Variants in EPB41L4A observed in about 807,000 individuals in gnomAD.
EPB41L4A encodes erythrocyte membrane protein band 4.1 like 4A, also known as band 4.1-like protein 4A.
In EPB41L4A, 100 loss-of-function variants were observed where a neutral mutation model predicts 108.6. That is an observed-to-expected ratio of 0.92 (90% CI 0.78 to 1.09). The LOEUF (loss-of-function observed/expected upper bound fraction) is 1.09. Ranked by LOEUF, EPB41L4A falls within the 50% of genes least tolerant of loss-of-function variation. The pLI is 0.00. For synonymous variants in EPB41L4A, 319 were observed against 289.0 expected, an observed-to-expected ratio of 1.10 and a Z score of -1.05; for missense variants, 1,030 against 842.7, an observed-to-expected ratio of 1.22 and a Z score of -2.75.
intron 12 of EPB41L4A, among the ~76,000 whole-genome samples, chr5:112,155,790 A>G (rs1403683792): frequency 6.6e-6 from 1 of 152,200 alleles, no homozygotes; most frequent in Non-Finnish European, 1.5e-5. Context: ...GGTTTACCAT[A>G]TTTTACTTAC....
Position 112,189,325 on chromosome 5 carries a change from C to G in EPB41L4A, c.1503-5190G>C, listed in dbSNP as rs1761576727. Among the ~76,000 whole-genome samples, 7 of 152,212 alleles carry G rather than the reference C, an allele frequency of 4.6e-5. No individual in the cohort carries two copies. In the South Asian group the frequency reaches 1.5e-3, roughly 32 times the overall value. On this transcript the variant is annotated intron_variant, in intron 17 of 22. Coordinates refer to ENST00000261486, the MANE Select transcript of EPB41L4A (RefSeq NM_022140.5). ...CACATCTATTATCTCGGGAACTTCA[C>G]AAACCTCTAGTGAGGTAGGCAGGTC...
At chr5:112,170,544 C>T (rs1299224118) in intron 19 of EPB41L4A, among the ~76,000 whole-genome samples, 175 bp from the exon 20 acceptor site, 1 of 152,078 alleles carries the variant, frequency 6.6e-6, no homozygotes. Context: ...GGGGTAAAAC[C>T]TTTTCTGTAG....
At chr5:112,364,415 C>A (rs1758989064) in intron 1 of EPB41L4A, among the ~76,000 whole-genome samples, 1 of 152,094 alleles carries the variant, frequency 6.6e-6, no homozygotes, top group South Asian at 2.1e-4. Context: ...AGTTTTATTG[C>A]CTTGATCTGG....
intron 2 of EPB41L4A, among the ~76,000 whole-genome samples, chr5:112,293,986 T>G (rs576892235): frequency 6.6e-6 from 1 of 152,230 alleles, no homozygotes; most frequent in African/African-American, 2.4e-5. Context: ...GGATCCACCA[T>G]CATACAGTTA....
At chr5:112,217,732 C>G (rs933155652) in intron 12 of EPB41L4A, among the ~76,000 whole-genome samples, 2 of 151,998 alleles carry the variant, frequency 1.3e-5, no homozygotes, top group Non-Finnish European at 2.9e-5. Context: ...TTCTAAAGTT[C>G]CAAGAGTGAT....
At chr5:112,380,174 G>C (rs1467928064) in intron 1 of EPB41L4A, among the ~76,000 whole-genome samples, 1 of 152,022 alleles carries the variant, frequency 6.6e-6, no homozygotes, top group Non-Finnish European at 1.5e-5. Context: ...AGGGTCAGAA[G>C]GTCTGACACC....
chr5:112,325,491 A>C (rs546579582), intron 1 of EPB41L4A, among the ~76,000 whole-genome samples: 71 of 151,918 alleles, frequency 4.7e-4, no homozygotes, highest in Non-Finnish European at 8.7e-4. Context: ...GTTGAACTCA[A>C]GTGATGCCCA....
chr5:112,395,436 G>C (rs1761264563), intron 1 of EPB41L4A, among the ~76,000 whole-genome samples: 1 of 152,182 alleles, frequency 6.6e-6, no homozygotes, highest in Non-Finnish European at 1.5e-5. Context: ...GTGGGCGAAG[G>C]ATATGAACAG....
intron 22 of EPB41L4A, among the ~76,000 whole-genome samples, chr5:112,167,034 T>A (rs1468176613): frequency 5.9e-5 from 9 of 151,842 alleles, no homozygotes; most frequent in Non-Finnish European, 1.3e-4. Context: ...TGAAAGCTAT[T>A]CTTCCAACTT....
At chr5:112,410,870 C>G (rs528327014) in intron 1 of EPB41L4A, among the ~76,000 whole-genome samples, 17 of 152,128 alleles carry the variant, frequency 1.1e-4, no homozygotes, top group Non-Finnish European at 2.2e-4. Context: ...CAAATATCAC[C>G]TCTTCATCTC....
At chr5:112,213,272 T>G (rs905511353) in intron 12 of EPB41L4A, among the ~76,000 whole-genome samples, 2 of 152,144 alleles carry the variant, frequency 1.3e-5, no homozygotes, top group Non-Finnish European at 2.9e-5. Flanking sequence ...GTATAATCAG[T>G]AATATGACTT....
chr5:112,374,822 A>C (rs947003554), intron 1 of EPB41L4A, among the ~76,000 whole-genome samples: 4 of 152,208 alleles, frequency 2.6e-5, no homozygotes, highest in African/African-American at 9.6e-5. Flanking sequence ...GTCACTACTA[A>C]AAGAGGGGCC....
At chr5:112,272,571 G>A (rs1307334422) in intron 4 of EPB41L4A, among the ~76,000 whole-genome samples, 1 of 151,820 alleles carries the variant, frequency 6.6e-6, no homozygotes, top group Non-Finnish European at 1.5e-5. Flanking sequence ...CCTGAGGTCA[G>A]GAGTTCAAGA....
chr5:112,343,355 T>G (rs1757440103), intron 1 of EPB41L4A, among the ~76,000 whole-genome samples: 1 of 152,140 alleles, frequency 6.6e-6, no homozygotes, highest in Non-Finnish European at 1.5e-5. Flanking sequence ...CTGCCTGGGT[T>G]TGAATTTCAA....
chr5:112,153,999 A>G (rs929463199), intron 12 of EPB41L4A, among the ~76,000 whole-genome samples: 1 of 152,236 alleles, frequency 6.6e-6, no homozygotes, highest in Non-Finnish European at 1.5e-5. Context: ...AGAAACAGAT[A>G]TGTAGCTGGC....
chr5:112,169,163 A>AG, intron 20 of EPB41L4A, 58 bp from the exon 21 acceptor site: 1 of 1,240,964 alleles, frequency 8.1e-7, no homozygotes, highest in Non-Finnish European at 1.2e-6. Flanking sequence ...AAGGAAAAGT[A>AG]GGAGTTCTTA....
downstream of EPB41L4A, chr5:112,161,707 A>ATTC (rs1759917846): frequency 1.4e-5 from 7 of 483,432 alleles, no homozygotes; most frequent in Non-Finnish European, 2.9e-5. Context: ...GTTCAGGTGG[A>ATTC]AGATGGATGC....
intron 9 of EPB41L4A, among the ~76,000 whole-genome samples, chr5:112,241,669 G>A (rs999339863): frequency 2.0e-5 from 3 of 152,174 alleles, no homozygotes; most frequent in Non-Finnish European, 4.4e-5. Flanking sequence ...ATGTGTGTAG[G>A]TTATATGCAA....
intron 3 of EPB41L4A, among the ~76,000 whole-genome samples, chr5:112,279,934 C>CA (rs1752859000): frequency 6.6e-6 from 1 of 151,570 alleles, no homozygotes; most frequent in Admixed American, 6.6e-5. Context: ...CCCATCCCTG[C>CA]AGCCCACCTA....
Sources: gnomAD v4.1 joint callset for allele counts (sites outside exome capture counted in the v4.1 genomes callset) on GRCh38, gnomAD v4.1.1 for gene constraint, MANE v1.5 for transcripts, NCBI Gene and HGNC (gene_info 2026-07-23, HGNC 2026-07-21) for gene names.